RARS1: variants seen among roughly 807,000 people sequenced by gnomAD.
RARS1 encodes the protein arginyl-tRNA synthetase 1.
In RARS1, 75 loss-of-function variants were observed where a neutral mutation model predicts 78.7. The observed-to-expected ratio is 0.95, with a 90% CI of 0.79 to 1.15. The LOEUF (loss-of-function observed/expected upper bound fraction) is 1.15, where lower values mean the gene tolerates loss of function less well. Among genes scored for constraint, RARS1 ranks in the 50% most tolerant of loss-of-function variants. The probability of loss-of-function intolerance (pLI) is 0.00; values close to 1 mark genes in which losing one functional copy is unlikely to be tolerated. For synonymous variants in RARS1, 273 were observed against 268.2 expected, an observed-to-expected ratio of 1.02 and a Z score of -0.18; for missense variants, 787 against 787.5, an observed-to-expected ratio of 1.00 and a Z score of 0.01.
At chr5:168,500,163 T>TCCACTCCAGC (rs1253020278) in intron 7 of RARS1, among the ~76,000 whole-genome samples, 3 of 115,516 alleles carry the variant, frequency 2.6e-5, no homozygotes, top group African/African-American at 1.0e-4. Flanking sequence ...GCCACTCCAG[T>TCCACTCCAGC]CCACTCCAGC....
At position 168,486,497 on chromosome 5, in the gene RARS1, G is replaced by A. The variant is rs576866252; in HGVS notation, c.-2G>A. Reference sequence around the variant, plus strand: ...CTTGGCGAGTGAGACGCTGATGGGAGGATGGACGTACTGGTGTCTGAGTGC... The same window carrying A: ...CTTGGCGAGTGAGACGCTGATGGGAAGATGGACGTACTGGTGTCTGAGTGC... On this transcript the variant is annotated 5_prime_UTR_variant, in exon 1 of 15. Coordinates refer to ENST00000231572, the MANE Select transcript of RARS1 (RefSeq NM_002887.4). 2.6e-6 allele frequency: 4 copies of A among 1,558,438 alleles called. No individual in the cohort carries two copies. Among genetic ancestry groups the A allele is most frequent in the East Asian group, 2.4e-5 (1 of 42,156 alleles).
chr5:168,488,736 G>T lies in RARS1; in HGVS notation c.180G>T (p.Lys60Asn). 1 of 1,597,868 alleles carries T rather than the reference G, an allele frequency of 6.3e-7. No individual in the cohort carries two copies. Among genetic ancestry groups the T allele is most frequent in the African/African-American group, 1.4e-5 (1 of 74,042 alleles). ...AGTATCGACTGAATATTCTTCGAAA[G>T]GTGAGTACTTTGGGTTCCAGTTTTA... is the stretch of plus-strand genomic sequence containing the variant. ...KLKYRLNILR[K>N]SLQAERNKPT... The change falls in exon 2 of 15, where the codon AAG becomes AAT. Residue 60 changes from lysine to asparagine, a missense_variant and splice_region_variant. Lys to Asn is a moderately conservative substitution (Grantham distance 94). Coordinates refer to ENST00000231572, the MANE Select transcript of RARS1 (RefSeq NM_002887.4).
rs374263699 is a variant in RARS1, at chr5:168,492,861, A to G, written c.369+14A>G. 15 of 1,575,854 alleles carry G rather than the reference A, an allele frequency of 9.5e-6. No homozygotes were observed. In the East Asian group the frequency reaches 1.4e-4, roughly 14 times the overall value. ...GGTATTTCTCAGGTGATGTATTGTC[A>G]TGACTCTTGGCTGTTTGATTTTTTT... On this transcript the variant is annotated intron_variant, in intron 3 of 14. Coordinates refer to ENST00000231572, the MANE Select transcript of RARS1 (RefSeq NM_002887.4).
rs1433131095 is a variant in RARS1, at chr5:168,516,774, A to T, written c.1453-4A>T. 1 of 1,613,810 alleles carries T rather than the reference A, an allele frequency of 6.2e-7. No homozygotes were observed. Among genetic ancestry groups the T allele is most frequent in the Admixed American group, 1.7e-5 (1 of 59,998 alleles). ...TATGAAATACTGTTTTGTTTTTCCC[A>T]AAGGTCTTAACTGCAGAGGAATTGA... On this transcript the variant is annotated splice_region_variant and splice_polypyrimidine_tract_variant and intron_variant, in intron 12 of 14. Transcript: ENST00000231572.
rs528289229 is a variant in RARS1, at chr5:168,506,005, G to A, written c.1058-16G>A. 17 of 1,582,436 alleles carry A rather than the reference G, an allele frequency of 1.1e-5. No homozygotes were observed. The East Asian group carries it at 3.4e-4, about 32-fold the overall frequency. On this transcript the variant is annotated splice_polypyrimidine_tract_variant and intron_variant, in intron 9 of 14. Coordinates refer to ENST00000231572, the MANE Select transcript of RARS1 (RefSeq NM_002887.4). ...GTTCTTTTAACTTTATTAATGAAGT[G>A]TTTTTTACCCCCTAGGATTTGTGCA... is the stretch of plus-strand genomic sequence containing the variant.
chr5:168,486,806 T>C (rs1203560336), intron 1 of RARS1, among the ~76,000 whole-genome samples: 1 of 152,088 alleles, frequency 6.6e-6, no homozygotes, highest in Non-Finnish European at 1.5e-5. Context: ...TTCGGTGGGC[T>C]GGAGCCTGGC....
intron 3 of RARS1, among the ~76,000 whole-genome samples, chr5:168,493,632 T>G (rs919254392): frequency 4.4e-5 from 2 of 45,336 alleles, no homozygotes; most frequent in African/African-American, 2.4e-4. Flanking sequence ...AGACTCCATC[T>G]CAAAAAAAAA....
intron 12 of RARS1, 28 bp from the exon 13 acceptor site, chr5:168,516,750 A>G (rs1260745325): frequency 2.5e-6 from 4 of 1,611,522 alleles, no homozygotes; most frequent in South Asian, 1.1e-5. Context: ...TCAGTAAGCT[A>G]TGAAATACTG....
intron 12 of RARS1, among the ~76,000 whole-genome samples, chr5:168,515,301 T>G (rs1273680433): frequency 2.6e-5 from 4 of 152,302 alleles, no homozygotes; most frequent in Non-Finnish European, 5.9e-5. Flanking sequence ...TAGTATTTAG[T>G]TATTTCATCT....
At chr5:168,507,913 C>CA (rs1367993476) in intron 11 of RARS1, among the ~76,000 whole-genome samples, 1 of 151,268 alleles carries the variant, frequency 6.6e-6, no homozygotes, top group Non-Finnish European at 1.5e-5. Flanking sequence ...GGCATAGTGG[C>CA]ATGCACCTGT....
rs544691942 is a variant in RARS1, at chr5:168,507,022, T to C, written c.1346+191T>C. ...CAGGGAATGTAGCCTTTTAGGTAGA[T>C]AGTATGTACAAAGTTTAGTGAAAAC... On this transcript the variant is annotated intron_variant, in intron 11 of 14. Coordinates refer to ENST00000231572, the MANE Select transcript of RARS1 (RefSeq NM_002887.4). 3.7e-4 allele frequency among the ~76,000 whole-genome samples: 57 copies of C among 152,346 alleles called. No individual in the cohort carries two copies. The East Asian group carries it at 6.7e-3, about 18-fold the overall frequency.
rs1038445479 is a variant in RARS1 at position 168,518,133 on chromosome 5, G to T, written c.1873+71G>T. 45 of 1,342,062 alleles carry T rather than the reference G, an allele frequency of 3.4e-5. 1 individual carries two copies. The highest frequency in any genetic ancestry group is 3.9e-5 in the Non-Finnish European group (41 of 1,052,258). 83.1% of individuals were successfully genotyped at this position (1,342,062 alleles called of 1,614,324 possible). A position where few individuals can be genotyped will look rare whatever the true frequency, so the allele number is the denominator to read the frequency against. ...GGATCTTGCTCTGTCCCTTGGGCTG[G>T]AGTACGGTGGTGAAATCATAGGTCA... On this transcript the variant is annotated intron_variant, in intron 14 of 14. Transcript: ENST00000231572.
At chr5:168,516,995 A>T in intron 13 of RARS1, 45 bp downstream of exon 13, 1 of 1,545,632 alleles carries the variant, frequency 6.5e-7, no homozygotes. Flanking sequence ...AAATGAAAGC[A>T]TATTTAGTTA....
chr5:168,490,635 G>A (rs59359069), intron 2 of RARS1, among the ~76,000 whole-genome samples: 1,950 of 152,264 alleles, frequency 0.013, 43 homozygotes, highest in East Asian at 0.095. Context: ...TGTGTGTGAT[G>A]GCCATTCACC....
chr5:168,510,708 A>G, intron 12 of RARS1, 22 bp downstream of exon 12: 1 of 1,510,754 alleles, frequency 6.6e-7, no homozygotes, highest in East Asian at 2.3e-5. Context: ...CCTTATAGGC[A>G]TAATGTGTAT....
At chr5:168,518,279 G>C (rs1758718416) in intron 14 of RARS1, among the ~76,000 whole-genome samples, 1 of 151,552 alleles carries the variant, frequency 6.6e-6, no homozygotes, top group African/African-American at 2.4e-5. Context: ...AGCCATATTA[G>C]GGATGGGGTG....
At chr5:168,489,096 G>C (rs1409932208) in intron 2 of RARS1, among the ~76,000 whole-genome samples, 1 of 152,138 alleles carries the variant, frequency 6.6e-6, no homozygotes, top group African/African-American at 2.4e-5. Flanking sequence ...TCACGGCTCA[G>C]TACAGCCTCA....
In RARS1 at chr5:168,497,282, GC is replaced by G. The variant is rs1165027690; in HGVS notation, c.757del (p.Gln253LysfsTer8). On this transcript the variant is annotated frameshift_variant, in exon 7 of 15. Transcript: ENST00000231572. LOFTEE classifies it high-confidence loss of function. ...TQFGMLIAHL[Q>X]DKFPDYLTVS... ...AGTTTGGCATGCTCATCGCTCACCT[GC>G]AAGACAAATTTCCAGATTATCTAAC... 1 of 1,592,328 alleles carries G rather than the reference GC, an allele frequency of 6.3e-7. No homozygotes were observed. The highest frequency in any genetic ancestry group is 8.6e-7 in the Non-Finnish European group (1 of 1,168,214).
chr5:168,497,299 A>G lies in RARS1; in HGVS notation c.773A>G (p.Asp258Gly). ...GCTCACCTGCAAGACAAATTTCCAGATTATCTAACAGTTTCACCTCCTATT... is the reference window on the plus strand; with the variant it reads ...GCTCACCTGCAAGACAAATTTCCAGGTTATCTAACAGTTTCACCTCCTATT... ...LIAHLQDKFP[D>G]YLTVSPPIGD... Residue 258 changes from aspartate to glycine, a missense_variant, in exon 7 of 15, where the codon GAT becomes GGT. Transcript: ENST00000231572. The G allele has an allele frequency of 6.3e-7, 1 of 1,593,206 alleles. No individual in the cohort carries two copies. Among genetic ancestry groups the G allele is most frequent in the Non-Finnish European group, 8.6e-7 (1 of 1,168,650 alleles).
Sources: allele counts gnomAD v4.1 joint callset (sites outside exome capture counted in the v4.1 genomes callset), GRCh38; gene constraint gnomAD v4.1.1; transcripts MANE v1.5; gene names NCBI Gene and HGNC (gene_info 2026-07-23, HGNC 2026-07-21).